The following CASK variants were observed in gnomAD, a reference collection of about 807,000 sequenced individuals.
The protein encoded by CASK is calcium/calmodulin dependent serine protein kinase.
In CASK, 4 loss-of-function variants were observed where a neutral mutation model predicts 82.9. The ratio of observed to expected loss-of-function variants is 0.05; its 90% CI spans 0.02 to 0.11. The LOEUF (loss-of-function observed/expected upper bound fraction) is 0.11, where lower values mean the gene tolerates loss of function less well. Ranked by LOEUF, CASK falls within the 10% of genes least tolerant of loss-of-function variation. CASK has a pLI of 1.00. For synonymous variants in CASK, 259 were observed against 253.5 expected (o/e 1.02, Z -0.20); for missense variants, 358 against 720.9 (o/e 0.50, Z 5.76).
chrX:41,622,639 G>C lies in CASK; in HGVS notation c.1016-5C>G. On this transcript the variant is annotated splice_polypyrimidine_tract_variant and splice_region_variant and intron_variant, in intron 10 of 26. Coordinates refer to ENST00000378163, the MANE Select transcript of CASK (RefSeq NM_001367721.1). Reference sequence around the variant, plus strand: ...TACTTTCTGCTGCTAGAAGTCCTAGGAGGAAGGCAGCATATGGACAAACAA... The same window carrying C: ...TACTTTCTGCTGCTAGAAGTCCTAGCAGGAAGGCAGCATATGGACAAACAA... The C allele has an allele frequency of 8.4e-7, 1 of 1,193,626 alleles. No homozygotes were observed. The highest frequency in any genetic ancestry group is 1.1e-6 in the Non-Finnish European group (1 of 882,891).
chrX:41,900,599 CTT>C (rs559584956), intron 1 of CASK, among the ~76,000 whole-genome samples: 36 of 74,485 alleles, frequency 4.8e-4, no homozygotes, highest in African/African-American at 1.6e-3. Flanking sequence ...CTGTTTGGTT[CTT>C]TTTTTTTTTT....
intron 2 of CASK, among the ~76,000 whole-genome samples, chrX:41,826,474 T>G (rs1043392999): frequency 9.0e-6 from 1 of 111,635 alleles, no homozygotes; most frequent in Non-Finnish European, 1.9e-5. Flanking sequence ...TTTTTTGTTT[T>G]GTTTTGTTTT....
At chrX:41,801,689 C>G (rs965660051) in intron 2 of CASK, among the ~76,000 whole-genome samples, 5 of 111,330 alleles carry the variant, frequency 4.5e-5, no homozygotes, top group Non-Finnish European at 7.5e-5. Context: ...ACTGGCTGAA[C>G]CTTTATAGGT....
intron 3 of CASK, among the ~76,000 whole-genome samples, chrX:41,770,889 A>G (rs1460716747): frequency 9.0e-6 from 1 of 111,729 alleles, no homozygotes; most frequent in Non-Finnish European, 1.9e-5. Context: ...AGAAGGTAGA[A>G]GACATAGAAA....
At chrX:41,548,683 TAGTC>T (rs1447128756) in intron 21 of CASK, among the ~76,000 whole-genome samples, 2 of 111,858 alleles carry the variant, frequency 1.8e-5, no homozygotes. Context: ...TATGTGCTAT[TAGTC>T]AGAACTAAAA....
At chrX:41,628,000 G>A (rs893602034) in intron 9 of CASK, among the ~76,000 whole-genome samples, 4 of 110,847 alleles carry the variant, frequency 3.6e-5, no homozygotes, top group Admixed American at 9.6e-5. Context: ...GTGAAACTCC[G>A]TCTCAAAAAA....
intron 15 of CASK, among the ~76,000 whole-genome samples, chrX:41,573,768 T>C (rs887150955): frequency 8.9e-6 from 1 of 112,246 alleles, no homozygotes. Flanking sequence ...GATGTTTTTG[T>C]ATTCCTAAAA....
chrX:41,682,775 CTAAT>C (rs2067381864), intron 5 of CASK, among the ~76,000 whole-genome samples: 1 of 109,303 alleles, frequency 9.1e-6, no homozygotes, highest in South Asian at 3.9e-4. Context: ...CCATGCCTGG[CTAAT>C]TAAAAACATT....
rs757012415 is a variant in CASK, at chrX:41,555,582, T to C, written c.1842+18A>G. ...GCTGCTCAGTTTAGAGAAGTTTCTA[T>C]AGAGGATATCTATTCACCTGTCGTC... is the stretch of plus-strand genomic sequence containing the variant. On this transcript the variant is annotated intron_variant, in intron 20 of 26. Coordinates refer to ENST00000378163, the MANE Select transcript of CASK (RefSeq NM_001367721.1). 3.4e-6 allele frequency: 4 copies of C among 1,169,783 alleles called. No individual in the cohort carries two copies. Among genetic ancestry groups the C allele is most frequent in the South Asian group, 3.6e-5 (2 of 55,927 alleles).
intron 8 of CASK, among the ~76,000 whole-genome samples, chrX:41,651,589 T>C (rs962842007): frequency 2.7e-5 from 3 of 111,419 alleles, no homozygotes; most frequent in African/African-American, 9.8e-5. Context: ...AGAGACGGGA[T>C]TTCCCTATGT....
chrX:41,606,242 TTTCATTCA>T (rs201930152), intron 12 of CASK, among the ~76,000 whole-genome samples: 3,226 of 103,871 alleles, frequency 0.031, 99 homozygotes, highest in African/African-American at 0.091. Flanking sequence ...ATGATTAAGC[TTTCATTCA>T]TTCATTCATT....
At position 41,586,983 on chromosome X, in the gene CASK, A is replaced by C; in HGVS notation, c.1238T>G (p.Leu413Trp). ...CTCAGGGTAACATGAAATTTCTTCC[A>C]ATACCTAAAAAATAAACAAGATATA... is the stretch of plus-strand genomic sequence containing the variant. ...SDAVQRAKEV[L>W]EEISCYPENN... is the part of the protein sequence containing the mutation. The change falls in exon 14 of 27, where the codon TTG becomes TGG. Residue 413 changes from leucine to tryptophan, a missense_variant. Around this residue, in one of 5 missense-constraint regions of CASK, gnomAD observed 110 missense variants for 218.8 expected, o/e 0.50. Coordinates refer to ENST00000378163, the MANE Select transcript of CASK (RefSeq NM_001367721.1). The C allele has an allele frequency of 9.1e-7, 1 of 1,093,456 alleles. No homozygotes were observed. The highest frequency in any genetic ancestry group is 1.3e-6 in the Non-Finnish European group (1 of 790,277). The allele number at this position is 1,093,456 out of a possible 1,213,427, so 90.1% of individuals were successfully genotyped here.
At chrX:41,554,813 T>C (rs1218378724) in intron 20 of CASK, among the ~76,000 whole-genome samples, 1 of 112,398 alleles carries the variant, frequency 8.9e-6, no homozygotes, top group East Asian at 2.8e-4. Flanking sequence ...AATTTATACA[T>C]ATCTTAACAC....
At chrX:41,792,135 G>A (rs1031543447) in intron 2 of CASK, among the ~76,000 whole-genome samples, 1 of 111,277 alleles carries the variant, frequency 9.0e-6, no homozygotes, top group Admixed American at 9.6e-5. Context: ...TAGGGAAGCT[G>A]GTTCAAGTGG....
In CASK at chrX:41,602,805, T is replaced by C. The variant is rs191173031; in HGVS notation, c.1155+7099A>G. 2.7e-3 allele frequency among the ~76,000 whole-genome samples: 295 copies of C among 108,933 alleles called. 1 individual carries two copies. Among genetic ancestry groups the C allele is most frequent in the Non-Finnish European group, 2.9e-3 (154 of 52,514 alleles). 94.6% of individuals were successfully genotyped at this position (108,933 alleles called of 115,157 possible). A position where few individuals can be genotyped will look rare whatever the true frequency, so the allele number is the denominator to read the frequency against. On this transcript the variant is annotated intron_variant, in intron 12 of 26. Coordinates refer to ENST00000378163, the MANE Select transcript of CASK (RefSeq NM_001367721.1). The stretch of plus-strand genomic sequence containing the variant: ...ATACTTTGAGAATATTCACGACATA[T>C]GGTATTTCTAGCTTTCAGGTATTTT...
chrX:41,875,077 A>T (rs992833585), intron 1 of CASK, among the ~76,000 whole-genome samples: 2 of 112,577 alleles, frequency 1.8e-5, no homozygotes, highest in Non-Finnish European at 3.8e-5. Flanking sequence ...ATTAGAGCAA[A>T]TCTGTTTTTA....
At chrX:41,741,052 T>C (rs1467522008) in intron 4 of CASK, among the ~76,000 whole-genome samples, 1 of 109,032 alleles carries the variant, frequency 9.2e-6, no homozygotes, top group African/African-American at 3.4e-5. Context: ...CTGGCTAGTT[T>C]TTGTATTTTG....
chrX:41,908,966 A>G (rs2072515732), intron 1 of CASK, among the ~76,000 whole-genome samples: 1 of 112,056 alleles, frequency 8.9e-6, no homozygotes, highest in South Asian at 3.7e-4. Flanking sequence ...TGTGTTCCAA[A>G]TAACTATTTA....
intron 2 of CASK, among the ~76,000 whole-genome samples, chrX:41,788,810 G>C (rs1248469586): frequency 8.9e-6 from 1 of 111,893 alleles, no homozygotes; most frequent in Non-Finnish European, 1.9e-5. Flanking sequence ...AACTTTTGGG[G>C]AGGAGTCAGG....
Sources: allele counts gnomAD v4.1 joint callset (sites outside exome capture counted in the v4.1 genomes callset), GRCh38; gene constraint gnomAD v4.1.1; regional missense constraint gnomAD v4.1.1; transcripts MANE v1.5; gene names NCBI Gene and HGNC (gene_info 2026-07-23, HGNC 2026-07-21).